Variants in CLSTN2 observed in about 807,000 individuals in gnomAD.
The protein encoded by CLSTN2 is calsyntenin-2.
In CLSTN2, 48 loss-of-function variants were observed where a neutral mutation model predicts 101.2. The observed-to-expected ratio is 0.47, with a 90% confidence interval of 0.38 to 0.60. The LOEUF (loss-of-function observed/expected upper bound fraction) is 0.60, where lower values mean the gene tolerates loss of function less well. Among genes scored for constraint, CLSTN2 ranks in the 20% least tolerant of loss-of-function variants. CLSTN2 has a pLI of 0.00. For synonymous variants in CLSTN2, 481 were observed against 463.6 expected, an observed-to-expected ratio of 1.04 and a Z score of -0.48; for missense variants, 1,160 against 1,238.2, an observed-to-expected ratio of 0.94 and a Z score of 0.95.
chr3:140,331,287 C>T (rs1293968711), intron 2 of CLSTN2, among the ~76,000 whole-genome samples: 1 of 152,180 alleles, frequency 6.6e-6, no homozygotes, highest in Non-Finnish European at 1.5e-5. Context: ...CTTCCACCTG[C>T]TTTTCTACCT....
chr3:140,005,991 G>A (rs1402236811), intron 1 of CLSTN2, among the ~76,000 whole-genome samples: 1 of 152,206 alleles, frequency 6.6e-6, no homozygotes, highest in Non-Finnish European at 1.5e-5. Context: ...TCATCTAAGA[G>A]TTAATATCTA....
At chr3:140,302,321 C>T (rs1034971842) in intron 2 of CLSTN2, among the ~76,000 whole-genome samples, 4 of 152,026 alleles carry the variant, frequency 2.6e-5, no homozygotes, top group African/African-American at 9.7e-5. Context: ...CATACAGGGA[C>T]CATATTTATG....
intron 2 of CLSTN2, among the ~76,000 whole-genome samples, chr3:140,177,207 G>A (rs7612325): frequency 0.26 from 38,903 of 151,996 alleles, 5,341 homozygotes; most frequent in African/African-American, 0.32. Flanking sequence ...TGACTTCCGT[G>A]ATGTTTAGAA....
chr3:140,007,900 A>T (rs1375046578), intron 1 of CLSTN2, among the ~76,000 whole-genome samples: 1 of 152,118 alleles, frequency 6.6e-6, no homozygotes, highest in East Asian at 1.9e-4. Flanking sequence ...AATCTAAGGG[A>T]TTTCCTGGAG....
At chr3:139,992,056 A>T (rs1288647238) in intron 1 of CLSTN2, among the ~76,000 whole-genome samples, 1 of 152,152 alleles carries the variant, frequency 6.6e-6, no homozygotes, top group African/African-American at 2.4e-5. Context: ...GGTGGTTTCC[A>T]AAGAAAAATA....
At chr3:140,157,037 C>G (rs1218848840) in intron 1 of CLSTN2, among the ~76,000 whole-genome samples, 2 of 152,092 alleles carry the variant, frequency 1.3e-5, no homozygotes, top group Non-Finnish European at 2.9e-5. Flanking sequence ...TGCCCCTGCC[C>G]TTTGTAGAGG....
chr3:140,395,464 A>G (rs2088171091), intron 2 of CLSTN2, among the ~76,000 whole-genome samples: 7 of 152,164 alleles, frequency 4.6e-5, no homozygotes, highest in Admixed American at 4.6e-4. Context: ...ATAAAGAGAA[A>G]CTTGAGAACC....
At chr3:140,483,872 G>T (rs552581061) in intron 8 of CLSTN2, among the ~76,000 whole-genome samples, 16 of 152,216 alleles carry the variant, frequency 1.1e-4, no homozygotes, top group African/African-American at 3.6e-4. Flanking sequence ...ACATGAGATG[G>T]GTTTCCTGAA....
At chr3:139,973,187 G>A (rs1223931067) in intron 1 of CLSTN2, among the ~76,000 whole-genome samples, 1 of 152,216 alleles carries the variant, frequency 6.6e-6, no homozygotes, top group Non-Finnish European at 1.5e-5. Context: ...TGGCAGGAGC[G>A]TGATCTGCCA....
At chr3:140,127,243 A>G (rs1229952340) in intron 1 of CLSTN2, among the ~76,000 whole-genome samples, 1 of 152,110 alleles carries the variant, frequency 6.6e-6, no homozygotes, top group Non-Finnish European at 1.5e-5. Context: ...TTTATTAGGC[A>G]TTTGACCCGG....
At chr3:140,090,388 C>A (rs2008757464) in intron 1 of CLSTN2, among the ~76,000 whole-genome samples, 1 of 152,080 alleles carries the variant, frequency 6.6e-6, no homozygotes, top group African/African-American at 2.4e-5. Flanking sequence ...AATCTTCCCA[C>A]CTTGACTTCC....
At chr3:140,339,516 G>A (rs774088186) in intron 2 of CLSTN2, among the ~76,000 whole-genome samples, 4 of 152,212 alleles carry the variant, frequency 2.6e-5, no homozygotes, top group Non-Finnish European at 4.4e-5. Context: ...TGTCACCTGG[G>A]GAGCTTAAAA....
At chr3:140,439,753 G>GCACACACACA (rs10607498) in intron 5 of CLSTN2, among the ~76,000 whole-genome samples, 1 of 151,334 alleles carries the variant, frequency 6.6e-6, no homozygotes, top group Admixed American at 6.6e-5. Context: ...GCACACACAC[G>GCACACACACA]CACACACACA....
chr3:140,233,765 A>T (rs1293209376), intron 2 of CLSTN2, among the ~76,000 whole-genome samples: 3 of 152,182 alleles, frequency 2.0e-5, no homozygotes, highest in Non-Finnish European at 4.4e-5. Context: ...GTTTTTTAAT[A>T]TATCTGTTTA....
chr3:140,177,372 C>A (rs984174847), intron 2 of CLSTN2, among the ~76,000 whole-genome samples: 33 of 152,178 alleles, frequency 2.2e-4, no homozygotes, highest in Admixed American at 1.1e-3. Context: ...TAACACATCT[C>A]TTTCTTGGAC....
Position 140,558,830 on chromosome 3 carries a change from G to C in CLSTN2, c.2014G>C (p.Glu672Gln). 1 of 1,613,926 alleles carries C rather than the reference G, an allele frequency of 6.2e-7. No individual in the cohort carries two copies. The highest frequency in any genetic ancestry group is 2.2e-5 in the East Asian group (1 of 44,862). ...IKIVSTFAKT[E>Q]APGDVKTTDP... is the part of the protein sequence containing the mutation. ...GATTGTGAGCACCTTCGCCAAAACC[G>C]AAGCCCCCGGGGACGTGAAAACCAC... is the stretch of plus-strand genomic sequence containing the variant. Residue 672 changes from glutamate (E) to glutamine (Q), a missense_variant, in exon 12 of 17, where the codon GAA becomes CAA. Glu to Gln is a conservative substitution (Grantham distance 29). Transcript: ENST00000458420.
At chr3:140,502,427 G>A (rs970340131) in intron 8 of CLSTN2, among the ~76,000 whole-genome samples, 5 of 152,186 alleles carry the variant, frequency 3.3e-5, no homozygotes, top group African/African-American at 1.2e-4. Flanking sequence ...TTATTAAACA[G>A]CTTGGGGAGT....
At chr3:140,029,483 C>A (rs551819833) in intron 1 of CLSTN2, among the ~76,000 whole-genome samples, 3 of 152,106 alleles carry the variant, frequency 2.0e-5, no homozygotes, top group African/African-American at 7.2e-5. Flanking sequence ...GCCTGCAAGA[C>A]CTGAGTCCCA....
At chr3:139,996,859 C>T (rs1389596628) in intron 1 of CLSTN2, among the ~76,000 whole-genome samples, 2 of 151,850 alleles carry the variant, frequency 1.3e-5, no homozygotes, top group Non-Finnish European at 2.9e-5. Flanking sequence ...ATCAGCCTGA[C>T]CAACATGAAG....
Sources: allele counts gnomAD v4.1 joint callset (sites outside exome capture counted in the v4.1 genomes callset), GRCh38; gene constraint gnomAD v4.1.1; transcripts MANE v1.5; gene names NCBI Gene and HGNC (gene_info 2026-07-23, HGNC 2026-07-21).